DOCK3: variants seen among roughly 807,000 people sequenced by gnomAD.
The protein encoded by DOCK3 is dedicator of cytokinesis 3.
In DOCK3, 60 loss-of-function variants were observed where a neutral mutation model predicts 265.6. The observed-to-expected ratio is 0.23, with a 90% confidence interval of 0.18 to 0.28. The LOEUF is 0.28. Among genes scored for constraint, DOCK3 ranks in the 10% least tolerant of loss-of-function variants. DOCK3 has a pLI of 1.00. For missense variants in DOCK3, 1,981 were observed against 2,594.3 expected (o/e 0.76, Z 5.14); for synonymous variants, 881 against 938.0 (o/e 0.94, Z 1.11).
intron 1 of DOCK3, among the ~76,000 whole-genome samples, chr3:50,751,996 CAT>C (rs1352647266): frequency 2.0e-5 from 3 of 152,230 alleles, no homozygotes; most frequent in Non-Finnish European, 2.9e-5. Context: ...TCTTCCTAGA[CAT>C]GTGGGGATTA....
chr3:51,301,346 A>G (rs1350037260), intron 27 of DOCK3, among the ~76,000 whole-genome samples: 1 of 151,422 alleles, frequency 6.6e-6, no homozygotes, highest in Non-Finnish European at 1.5e-5. Context: ...TTTTTTCAAA[A>G]AGCCAGATCC....
intron 5 of DOCK3, among the ~76,000 whole-genome samples, chr3:51,024,024 A>AT (rs2108897491): frequency 6.6e-6 from 1 of 152,020 alleles, no homozygotes; most frequent in East Asian, 1.9e-4. Flanking sequence ...TACTGAATTT[A>AT]TTTTTTACTA....
At chr3:50,943,373 A>G (rs1040149940) in intron 5 of DOCK3, among the ~76,000 whole-genome samples, 1 of 152,128 alleles carries the variant, frequency 6.6e-6, no homozygotes, top group African/African-American at 2.4e-5. Context: ...TAAGACATTG[A>G]CGATTAGTGC....
chr3:50,936,237 C>T (rs1345145595), intron 5 of DOCK3, among the ~76,000 whole-genome samples: 1 of 151,748 alleles, frequency 6.6e-6, no homozygotes, highest in Non-Finnish European at 1.5e-5. Flanking sequence ...AGATAGCTCA[C>T]TAGAAATTCT....
Position 51,354,868 on chromosome 3 carries a change from T to C in DOCK3, c.4108-14T>C. 1.2e-6 allele frequency: 2 copies of C among 1,612,536 alleles called. No individual in the cohort carries two copies. The highest frequency in any genetic ancestry group is 3.3e-5 in the Admixed American group (2 of 59,954). On this transcript the variant is annotated splice_polypyrimidine_tract_variant and intron_variant, in intron 40 of 52. Transcript: ENST00000266037. ...GCAAAGCATACATAGAGTGTGCTCT[T>C]CTGTTTGTGGCAGAACAAAGAATAC... is the stretch of plus-strand genomic sequence containing the variant.
rs533580643 is a variant in DOCK3 at position 51,379,996 on chromosome 3, A to T, written c.5501-129A>T. On this transcript the variant is annotated intron_variant, in intron 51 of 52. Coordinates refer to ENST00000266037, the MANE Select transcript of DOCK3 (RefSeq NM_004947.5). Reference sequence around the variant, plus strand: ...GGCCAGTGTAAAGAGAGGTTTATCCATAGCCCTCAATGCTGAGGGGTCCCC... The same window carrying T: ...GGCCAGTGTAAAGAGAGGTTTATCCTTAGCCCTCAATGCTGAGGGGTCCCC... 9 of 726,506 alleles carry T rather than the reference A, an allele frequency of 1.2e-5. No homozygotes were observed. In the East Asian group the frequency reaches 2.3e-4, roughly 19 times the overall value. 45.0% of individuals were successfully genotyped at this position (726,506 alleles called of 1,614,324 possible). A position where few individuals can be genotyped will look rare whatever the true frequency, so the allele number is the denominator to read the frequency against.
intron 9 of DOCK3, among the ~76,000 whole-genome samples, chr3:51,129,349 C>T (rs2084406712): frequency 6.6e-6 from 1 of 152,200 alleles, no homozygotes; most frequent in South Asian, 2.1e-4. Context: ...CTAGTTTTCT[C>T]TTCCTCTGTC....
At position 51,007,152 on chromosome 3, in the gene DOCK3, C is replaced by G. The variant is rs112362567; in HGVS notation, c.316-57296C>G. Among the ~76,000 whole-genome samples, 7 of 152,308 alleles carry G rather than the reference C, an allele frequency of 4.6e-5. 2 individuals carry two copies. The highest frequency in any genetic ancestry group is 1.7e-4 in the African/African-American group (7 of 41,572). ...GGATATATACCCAGTAATGGGATGG[C>G]TGGGTCAAATGGTATTTCTAGTTCT... On this transcript the variant is annotated intron_variant, in intron 5 of 52. Coordinates refer to ENST00000266037, the MANE Select transcript of DOCK3 (RefSeq NM_004947.5).
intron 2 of DOCK3, among the ~76,000 whole-genome samples, chr3:50,798,145 G>T (rs1340122902): frequency 1.3e-5 from 2 of 152,176 alleles, no homozygotes; most frequent in African/African-American, 4.8e-5. Context: ...TACATGCGAG[G>T]GGGGAAATAT....
Position 51,277,702 on chromosome 3 carries a change from C to A in DOCK3, c.2771C>A (p.Ala924Asp), listed in dbSNP as rs2080889516. 6.2e-7 allele frequency: 1 copy of A among 1,611,512 alleles called. No individual in the cohort carries two copies. Among genetic ancestry groups the A allele is most frequent in the East Asian group, 2.2e-5 (1 of 44,732 alleles). ...CTCACCATCATGAGCAAATCGCACG[C>A]TCAGGAGGCGGTAAGAGGGCAGCGG... ...TLLTIMSKSH[A>D]QEAVRGQRCP... Residue 924 changes from alanine (A) to aspartate (D), a missense_variant, in exon 26 of 53, where the codon GCT (alanine) becomes GAT (aspartate). Ala to Asp is a moderately radical substitution (Grantham distance 126, BLOSUM62 -2). Transcript: ENST00000266037.
At position 50,982,836 on chromosome 3, in the gene DOCK3, G is replaced by T. The variant is rs1206214807; in HGVS notation, c.315+48759G>T. 7.2e-5 allele frequency among the ~76,000 whole-genome samples: 11 copies of T among 152,316 alleles called. No individual in the cohort carries two copies. The East Asian group carries it at 1.9e-3, about 27-fold the overall frequency. ...GGACCTGGAGCTCCTGCCCCAGGCTGCAAGGAGGCCCAGCCAGGGCTGCCT... is the reference window on the plus strand; with the variant it reads ...GGACCTGGAGCTCCTGCCCCAGGCTTCAAGGAGGCCCAGCCAGGGCTGCCT... On this transcript the variant is annotated intron_variant, in intron 5 of 52. Coordinates refer to ENST00000266037, the MANE Select transcript of DOCK3 (RefSeq NM_004947.5).
chr3:51,044,786 C>T (rs1377988507), intron 5 of DOCK3, among the ~76,000 whole-genome samples: 5 of 152,082 alleles, frequency 3.3e-5, no homozygotes, highest in Admixed American at 3.3e-4. Context: ...TGTGGAGATA[C>T]CATCTTTCTT....
At chr3:51,053,656 C>T (rs2081090825) in intron 5 of DOCK3, among the ~76,000 whole-genome samples, 3 of 151,984 alleles carry the variant, frequency 2.0e-5, no homozygotes, top group South Asian at 4.2e-4. Context: ...CTCCTGACCT[C>T]GTGATCCACC....
At chr3:50,904,436 G>C (rs1357535156) in intron 4 of DOCK3, among the ~76,000 whole-genome samples, 32 of 151,992 alleles carry the variant, frequency 2.1e-4, no homozygotes, top group Non-Finnish European at 4.0e-4. Flanking sequence ...TGTTTCCTGA[G>C]TTTTTAATGA....
At chr3:51,230,324 C>T (rs979732492) in intron 19 of DOCK3, among the ~76,000 whole-genome samples, 1 of 152,110 alleles carries the variant, frequency 6.6e-6, no homozygotes, top group Non-Finnish European at 1.5e-5. Flanking sequence ...TTTATGTCCA[C>T]GAGTACCTAA....
intron 5 of DOCK3, among the ~76,000 whole-genome samples, chr3:50,967,763 G>A (rs1256465893): frequency 6.6e-6 from 1 of 152,042 alleles, no homozygotes; most frequent in Non-Finnish European, 1.5e-5. Flanking sequence ...TTACTATCAC[G>A]AGAAAAGGAT....
chr3:50,752,216 A>T (rs2039863370), intron 1 of DOCK3, among the ~76,000 whole-genome samples: 1 of 152,190 alleles, frequency 6.6e-6, no homozygotes, highest in Admixed American at 6.5e-5. Flanking sequence ...GAGATAAACT[A>T]CTTAGCGACT....
intron 33 of DOCK3, among the ~76,000 whole-genome samples, chr3:51,332,242 T>C (rs1378318110): frequency 6.6e-6 from 1 of 152,226 alleles, no homozygotes; most frequent in Non-Finnish European, 1.5e-5. Flanking sequence ...AGGATGGACC[T>C]GGGCTCATCA....
chr3:50,890,084 G>A lies in DOCK3; in HGVS notation c.218+3G>A. The A allele has an allele frequency of 7.0e-7, 1 of 1,430,184 alleles. No homozygotes were observed. The highest frequency in any genetic ancestry group is 9.1e-7 in the Non-Finnish European group (1 of 1,103,504). 88.6% of individuals were successfully genotyped at this position (1,430,184 alleles called of 1,614,324 possible). ...AAGGCAATTGTCAGTAATAGGGGGTGAGTAATTGGCCTTACTAAATTTATG... is the reference window on the plus strand; with the variant it reads ...AAGGCAATTGTCAGTAATAGGGGGTAAGTAATTGGCCTTACTAAATTTATG... On this transcript the variant is annotated splice_donor_region_variant and intron_variant, in intron 4 of 52. Coordinates refer to ENST00000266037, the MANE Select transcript of DOCK3 (RefSeq NM_004947.5).
Sources: allele counts gnomAD v4.1 joint callset (sites outside exome capture counted in the v4.1 genomes callset), GRCh38; gene constraint gnomAD v4.1.1; transcripts MANE v1.5; gene names NCBI Gene and HGNC (gene_info 2026-07-23, HGNC 2026-07-21).